Variants in GAB3 observed in about 807,000 individuals in gnomAD.
GAB3 encodes GRB2-associated-binding protein 3.
A neutral mutation model predicts 40.4 loss-of-function variants in GAB3; 12 were observed. The ratio of observed to expected loss-of-function variants is 0.30; its 90% CI spans 0.19 to 0.48. GAB3 has a LOEUF of 0.48. Among genes scored for constraint, GAB3 ranks in the 20% least tolerant of loss-of-function variants. GAB3 has a pLI of 0.99. For missense variants in GAB3, 381 were observed against 461.9 expected (o/e 0.82, Z 1.61); for synonymous variants, 154 against 176.7 (o/e 0.87, Z 1.02).
intron 1 of GAB3, among the ~76,000 whole-genome samples, chrX:154,728,986 C>T (rs2071255587): frequency 9.0e-6 from 1 of 111,412 alleles, no homozygotes; most frequent in Non-Finnish European, 1.9e-5. Flanking sequence ...CACACATGCA[C>T]GTGTAAGGGG....
At chrX:154,691,239 A>G (rs1450517856) in intron 8 of GAB3, among the ~76,000 whole-genome samples, 1 of 83,047 alleles carries the variant, frequency 1.2e-5, no homozygotes, top group Non-Finnish European at 2.2e-5. Context: ...GGACACAGGA[A>G]GGGGAACTTC....
At chrX:154,693,399 T>G (rs1000983675) in intron 8 of GAB3, among the ~76,000 whole-genome samples, 1 of 112,419 alleles carries the variant, frequency 8.9e-6, no homozygotes, top group Non-Finnish European at 1.9e-5. Flanking sequence ...TCCATATGCT[T>G]GAACACTGCT....
chrX:154,714,571 G>A (rs1405841258), intron 2 of GAB3, among the ~76,000 whole-genome samples: 1 of 111,760 alleles, frequency 8.9e-6, no homozygotes, highest in Non-Finnish European at 1.9e-5. Context: ...CTGAGGCGGG[G>A]GGCTACAGAG....
chrX:154,698,971 C>T (rs1455016090), intron 6 of GAB3, among the ~76,000 whole-genome samples: 1 of 111,748 alleles, frequency 8.9e-6, no homozygotes, highest in African/African-American at 3.3e-5. Context: ...GGTGGGATTC[C>T]ATTCTAATCC....
intron 1 of GAB3, among the ~76,000 whole-genome samples, chrX:154,748,506 ACTAT>A (rs1415527549): frequency 8.9e-5 from 10 of 112,206 alleles, no homozygotes; most frequent in African/African-American, 3.2e-4. Flanking sequence ...GATGAAAATA[ACTAT>A]CTTTTAAAAG....
chrX:154,746,758 G>A (rs2071535284), intron 1 of GAB3, among the ~76,000 whole-genome samples: 1 of 112,574 alleles, frequency 8.9e-6, no homozygotes. Context: ...AGTGAGTTTA[G>A]CAAGGCTATG....
intron 4 of GAB3, among the ~76,000 whole-genome samples, chrX:154,711,623 A>G (rs146095393): frequency 6.1e-4 from 69 of 112,321 alleles, no homozygotes; most frequent in African/African-American, 2.2e-3. Context: ...TTTGGAAAGA[A>G]CAAGTCTAGT....
chrX:154,697,030 G>T (rs2070668767), intron 7 of GAB3, 102 bp downstream of exon 7: 1 of 657,342 alleles, frequency 1.5e-6, no homozygotes, highest in Non-Finnish European at 2.4e-6. Context: ...CCCTCCTTTG[G>T]CTTAAGCTAG....
chrX:154,682,105 T>C (rs1317310124), intron 8 of GAB3, among the ~76,000 whole-genome samples: 1 of 112,582 alleles, frequency 8.9e-6, no homozygotes, highest in Non-Finnish European at 1.9e-5. Flanking sequence ...CTAGAGTTTG[T>C]TGTTACTGTA....
At chrX:154,736,703 G>C (rs782045940) in intron 1 of GAB3, among the ~76,000 whole-genome samples, 95 of 112,553 alleles carry the variant, frequency 8.4e-4, no homozygotes, top group African/African-American at 2.9e-3. Context: ...GGTTGGACCT[G>C]AGTGACCTCT....
At chrX:154,707,333 A>G (rs2070827188) in intron 4 of GAB3, among the ~76,000 whole-genome samples, 1 of 112,359 alleles carries the variant, frequency 8.9e-6, no homozygotes, top group African/African-American at 3.2e-5. Flanking sequence ...GATAAAAATA[A>G]TATGATTATA....
At chrX:154,712,724 T>C (rs1557256608) in intron 3 of GAB3, 23 bp from the exon 4 acceptor site, 1 of 1,025,102 alleles carries the variant, frequency 9.8e-7, no homozygotes, top group East Asian at 3.2e-5. Context: ...AGCATGTAAG[T>C]TGGACTAAAA....
chrX:154,700,716 G>A (rs1557252077), intron 4 of GAB3, among the ~76,000 whole-genome samples: 2 of 110,910 alleles, frequency 1.8e-5, no homozygotes, highest in Admixed American at 1.9e-4. Flanking sequence ...GGAAACTTGG[G>A]GGTATGGTGC....
At chrX:154,696,480 T>C (rs1278283868) in intron 7 of GAB3, among the ~76,000 whole-genome samples, 1 of 111,301 alleles carries the variant, frequency 9.0e-6, no homozygotes, top group East Asian at 2.8e-4. Flanking sequence ...ATACAGCTCA[T>C]TGCAGAATTC....
chrX:154,726,283 CA>C (rs1256942585), intron 1 of GAB3, among the ~76,000 whole-genome samples: 2 of 110,327 alleles, frequency 1.8e-5, no homozygotes, highest in East Asian at 2.8e-4. Flanking sequence ...ATATCTGAAA[CA>C]AAAAAAATAC....
chrX:154,682,123 A>T (rs1298888102), intron 8 of GAB3, among the ~76,000 whole-genome samples: 5 of 112,160 alleles, frequency 4.5e-5, no homozygotes, highest in Non-Finnish European at 9.4e-5. Context: ...GTAAATGGTA[A>T]GTTTTGTTTA....
chrX:154,713,179 T>TCAGA (rs2070980888), intron 3 of GAB3, 28 bp downstream of exon 3: 1 of 1,144,190 alleles, frequency 8.7e-7, no homozygotes, highest in South Asian at 1.8e-5. Flanking sequence ...CAGGCCCAGC[T>TCAGA]CAGACAGAGT....
rs1286283799 is a variant in GAB3 at position 154,689,515 on chromosome X, C to A, written c.1530+6402G>T. The stretch of plus-strand genomic sequence containing the variant: ...ACGACATGATTGTATATCTAGAAAA[C>A]CCCATTGTCTCAGCCCAAAATCTCC... On this transcript the variant is annotated intron_variant, in intron 8 of 9. Coordinates refer to ENST00000424127, the MANE Select transcript of GAB3 (RefSeq NM_001081573.3). 2.7e-5 allele frequency among the ~76,000 whole-genome samples: 3 copies of A among 109,957 alleles called. No homozygotes were observed. The East Asian group carries it at 8.7e-4, about 32-fold the overall frequency.
chrX:154,717,759 G>A (rs1557257930), intron 1 of GAB3, among the ~76,000 whole-genome samples: 4 of 111,703 alleles, frequency 3.6e-5, no homozygotes, highest in African/African-American at 1.3e-4. Flanking sequence ...AAAGCCCTAG[G>A]GAGTCCCCTG....
Sources: allele counts gnomAD v4.1 joint callset (sites outside exome capture counted in the v4.1 genomes callset), GRCh38; gene constraint gnomAD v4.1.1; transcripts MANE v1.5; gene names NCBI Gene and HGNC (gene_info 2026-07-23, HGNC 2026-07-21).